Variants in SRRM1 observed in about 807,000 individuals in gnomAD.
SRRM1 encodes serine and arginine repetitive matrix 1.
A neutral mutation model predicts 110.2 loss-of-function variants in SRRM1; 19 were observed. That is an observed-to-expected ratio of 0.17 (90% CI 0.12 to 0.25). SRRM1 has a LOEUF of 0.25. Among genes scored for constraint, SRRM1 ranks in the 10% least tolerant of loss-of-function variants. The pLI, the probability that SRRM1 is intolerant of heterozygous loss-of-function variation, is 1.00. For missense variants in SRRM1, 918 were observed against 1,145.8 expected, an observed-to-expected ratio of 0.80 and a Z score of 2.87; for synonymous variants, 443 against 414.9, an observed-to-expected ratio of 1.07 and a Z score of -0.82.
chr1:24,650,170 G>C, intron 5 of SRRM1, 84 bp downstream of exon 5: 1 of 1,306,604 alleles, frequency 7.7e-7, no homozygotes, highest in South Asian at 1.9e-5. Context: ...GAATCTAACA[G>C]CGCTATTCAA....
chr1:24,660,301 T>TGG (rs1205940191), intron 9 of SRRM1, among the ~76,000 whole-genome samples: 6 of 152,260 alleles, frequency 3.9e-5, no homozygotes, highest in Non-Finnish European at 8.8e-5. Flanking sequence ...TTCCTTTAAC[T>TGG]GTTGGTTTTC....
intron 1 of SRRM1, chr1:24,643,558 T>G: frequency 5.5e-6 from 2 of 363,088 alleles, no homozygotes; most frequent in Non-Finnish European, 4.6e-6. Flanking sequence ...TGGTCCCCCC[T>G]ACGCGGCGGC....
intron 5 of SRRM1, among the ~76,000 whole-genome samples, chr1:24,650,344 T>C (rs776092995): frequency 4.6e-5 from 7 of 152,254 alleles, no homozygotes; most frequent in Non-Finnish European, 7.3e-5. Flanking sequence ...TTAAACTTTT[T>C]CTTCCATATT....
At position 24,651,567 on chromosome 1, in the gene SRRM1, C is replaced by T. The variant is rs1433409184; in HGVS notation, c.680C>T (p.Ser227Leu). The T allele has an allele frequency of 1.2e-6, 2 of 1,613,742 alleles. No homozygotes were observed. Among genetic ancestry groups the T allele is most frequent in the Non-Finnish European group, 1.7e-6 (2 of 1,179,992 alleles). Residue 227 changes from serine to leucine, a missense_variant, in exon 6 of 17, where the codon TCA (serine) becomes TTA (leucine). By Grantham distance (145) the Ser-to-Leu change is moderately radical (BLOSUM62 -2). Transcript: ENST00000323848. ...AAAACTCCAGAGCTCCCAGAACCTT[C>T]AGTGAAAGTAAAAGAACCTTCAGTA... is the stretch of plus-strand genomic sequence containing the variant. ...KEKTPELPEP[S>L]VKVKEPSVQE...
At chr1:24,653,456 A>T (rs1007296765) in intron 8 of SRRM1, among the ~76,000 whole-genome samples, 13 of 152,184 alleles carry the variant, frequency 8.5e-5, no homozygotes, top group African/African-American at 3.1e-4. Context: ...TTTTTTATAA[A>T]ATTCTCAGAA....
chr1:24,647,488 A>G (rs549779991), intron 3 of SRRM1: 133 of 152,572 alleles, frequency 8.7e-4, no homozygotes, highest in African/African-American at 3.1e-3. Flanking sequence ...TTGTTCCTTT[A>G]TACATGAGAT....
chr1:24,643,746 G>T lies in SRRM1; in HGVS notation c.21+399G>T, dbSNP rs569989600. On this transcript the variant is annotated intron_variant, in intron 1 of 16. Transcript: ENST00000323848. ...GAAAGCCCTAAGGTCACTGGTGGCG[G>T]CAGGGCAGGGAGAATATGGTTTGGG... The T allele has an allele frequency of 2.6e-5, 6 of 226,764 alleles. No homozygotes were observed. In the Admixed American group the frequency reaches 3.5e-4, roughly 13 times the overall value. The allele number at this position is 226,764 out of a possible 1,614,324, so 14.0% of individuals were successfully genotyped here.
chr1:24,667,814 A>T (rs1670739045), intron 13 of SRRM1, among the ~76,000 whole-genome samples: 3 of 152,124 alleles, frequency 2.0e-5, no homozygotes. Flanking sequence ...TAATTTTCTT[A>T]TGGTTATATA....
chr1:24,648,802 T>TGCTG, intron 3 of SRRM1, 57 bp from the exon 4 acceptor site: 6 of 1,528,056 alleles, frequency 3.9e-6, no homozygotes, highest in Non-Finnish European at 5.4e-6. Context: ...TTGGTTGATT[T>TGCTG]GTTGGTTGGT....
In SRRM1 at chr1:24,653,144, T is replaced by C. The variant is rs78727637; in HGVS notation, c.1040+112T>C. 7.7e-5 allele frequency: 78 copies of C among 1,010,036 alleles called. 1 individual carries two copies. The highest frequency in any genetic ancestry group is 8.4e-5 in the Non-Finnish European group (59 of 704,432). 62.6% of individuals were successfully genotyped at this position (1,010,036 alleles called of 1,614,324 possible). A position where few individuals can be genotyped will look rare whatever the true frequency, so the allele number is the denominator to read the frequency against. The stretch of plus-strand genomic sequence containing the variant: ...TGGAAGAAAGAACTGATAGGTGATA[T>C]TAGACAATGTCTTCTAAAGAGTCTG... On this transcript the variant is annotated intron_variant, in intron 8 of 16. Coordinates refer to ENST00000323848, the MANE Select transcript of SRRM1 (RefSeq NM_005839.4).
chr1:24,654,324 G>A (rs558062930), intron 8 of SRRM1: 9 of 1,289,454 alleles, frequency 7.0e-6, no homozygotes, highest in South Asian at 1.2e-5. Context: ...GAATTCTTCC[G>A]CCAAAGGTGA....
rs376521913 is a variant in SRRM1, at chr1:24,651,630, C to T, written c.725+18C>T. 1.9e-6 allele frequency: 3 copies of T among 1,556,436 alleles called. No homozygotes were observed. Among genetic ancestry groups the T allele is most frequent in the Non-Finnish European group, 2.6e-6 (3 of 1,140,738 alleles). On this transcript the variant is annotated intron_variant, in intron 6 of 16. Transcript: ENST00000323848. ...TCTACTAGGCAAGTATATAAAAATT[C>T]ATTTATAAATAATCACAATTTTAGA...
intron 5 of SRRM1, among the ~76,000 whole-genome samples, chr1:24,650,359 TA>T (rs1228594625): frequency 3.9e-5 from 6 of 152,370 alleles, no homozygotes; most frequent in African/African-American, 1.4e-4. Context: ...CATATTGCTT[TA>T]GTTCATAACA....
chr1:24,648,627 G>GT, intron 3 of SRRM1: 4 of 417,796 alleles, frequency 9.6e-6, no homozygotes, highest in Non-Finnish European at 1.3e-5. Context: ...GGATTAACAG[G>GT]CTGCTCTGAT....
chr1:24,646,178 CAT>C, intron 2 of SRRM1, 105 bp downstream of exon 2: 1 of 799,554 alleles, frequency 1.3e-6, no homozygotes, highest in Non-Finnish European at 2.1e-6. Context: ...CTAAGAAAAA[CAT>C]AATTGAACAT....
chr1:24,664,707 C>G (rs527910892), intron 12 of SRRM1, among the ~76,000 whole-genome samples: 2 of 152,314 alleles, frequency 1.3e-5, no homozygotes, highest in East Asian at 3.9e-4. Flanking sequence ...GAGGAAACTG[C>G]TCCATGATAA....
chr1:24,671,092 G>A (rs1672500685), intron 15 of SRRM1, among the ~76,000 whole-genome samples: 1 of 152,194 alleles, frequency 6.6e-6, no homozygotes, highest in Non-Finnish European at 1.5e-5. Context: ...GCTTTATCAG[G>A]TAGGGATTAT....
At chr1:24,658,699 A>G (rs577260274) in intron 9 of SRRM1, among the ~76,000 whole-genome samples, 3 of 152,358 alleles carry the variant, frequency 2.0e-5, no homozygotes, top group Non-Finnish European at 4.4e-5. Flanking sequence ...AGTAACACTT[A>G]AAAATAGAGA....
At chr1:24,644,759 A>G (rs1656334873) in intron 1 of SRRM1, among the ~76,000 whole-genome samples, 1 of 152,256 alleles carries the variant, frequency 6.6e-6, no homozygotes, top group East Asian at 1.9e-4. Flanking sequence ...TAAATATTCA[A>G]TATTTTCTGC....
Sources: gnomAD v4.1 joint callset for allele counts (sites outside exome capture counted in the v4.1 genomes callset) on GRCh38, gnomAD v4.1.1 for gene constraint, MANE v1.5 for transcripts, NCBI Gene and HGNC (gene_info 2026-07-23, HGNC 2026-07-21) for gene names.